ZEB1: variants seen among roughly 807,000 people sequenced by gnomAD.
The protein encoded by ZEB1 is zinc finger E-box binding homeobox 1.
In ZEB1, 21 loss-of-function variants were observed where a neutral mutation model predicts 84.9. The ratio of observed to expected loss-of-function variants is 0.25; its 90% CI spans 0.18 to 0.36. The LOEUF is 0.36. ZEB1 is among the 10% of genes least tolerant of loss of function. The pLI, the probability that ZEB1 is intolerant of heterozygous loss-of-function variation, is 1.00. For missense variants in ZEB1, 1,104 were observed against 1,330.2 expected, an observed-to-expected ratio of 0.83 and a Z score of 2.65; for synonymous variants, 420 against 471.1, an observed-to-expected ratio of 0.89 and a Z score of 1.41.
chr10:31,330,882 G>A (rs896958700), intron 1 of ZEB1, among the ~76,000 whole-genome samples: 14 of 151,072 alleles, frequency 9.3e-5, no homozygotes, highest in South Asian at 6.2e-4. Flanking sequence ...TTGAAAATTC[G>A]TTATAAGTAA....
chr10:31,489,822 C>T lies in ZEB1; in HGVS notation c.260-5954C>T, dbSNP rs186930990. On this transcript the variant is annotated intron_variant, in intron 2 of 8. Coordinates refer to ENST00000424869, the MANE Select transcript of ZEB1 (RefSeq NM_001174096.2). ...ATCATTTCTCTTCTTCTTTTATTCC[C>T]GACATTCCAAGTGTCCCTCATTTCA... 9.2e-3 allele frequency among the ~76,000 whole-genome samples: 1,397 copies of T among 151,154 alleles called. 12 individuals carry two copies. Among genetic ancestry groups the T allele is most frequent in the African/African-American group, 0.031 (1,302 of 41,388 alleles).
At chr10:31,320,324 C>T (rs2033577863) in intron 1 of ZEB1, 2 of 152,202 alleles carry the variant, frequency 1.3e-5, no homozygotes, top group African/African-American at 4.8e-5. Flanking sequence ...AGATCCCCCT[C>T]CCGGGGCAGA....
At chr10:31,470,334 A>G (rs1461939576) in intron 2 of ZEB1, among the ~76,000 whole-genome samples, 3 of 145,476 alleles carry the variant, frequency 2.1e-5, no homozygotes, top group Non-Finnish European at 4.5e-5. Context: ...AGAAGAATGT[A>G]TAACTAGAAT....
At position 31,415,362 on chromosome 10, in the gene ZEB1, C is replaced by T. The variant is rs113859355; in HGVS notation, c.59-45675C>T. ...TTACTACTACTACTTCTACTAATCA[C>T]GAGTATAGAAAAATATCTCTTTGAT... is the stretch of plus-strand genomic sequence containing the variant. On this transcript the variant is annotated intron_variant, in intron 1 of 8. Transcript: ENST00000424869. Among the ~76,000 whole-genome samples the T allele has an allele frequency of 2.0e-3, 307 of 152,022 alleles. 6 individuals carry two copies. Among genetic ancestry groups the T allele is most frequent in the African/African-American group, 7.1e-3 (295 of 41,492 alleles).
intron 2 of ZEB1, among the ~76,000 whole-genome samples, chr10:31,493,984 G>C (rs1377258095): frequency 6.6e-6 from 1 of 151,882 alleles, no homozygotes; most frequent in Non-Finnish European, 1.5e-5. Flanking sequence ...AAAATTAGCA[G>C]TGTCCAAAAA....
intron 1 of ZEB1, among the ~76,000 whole-genome samples, chr10:31,439,277 A>G (rs2058632608): frequency 6.6e-6 from 1 of 152,184 alleles, no homozygotes; most frequent in Non-Finnish European, 1.5e-5. Context: ...TTTTGTAATT[A>G]AAAACAAGTT....
At chr10:31,429,435 AAC>A (rs2057393265) in intron 1 of ZEB1, among the ~76,000 whole-genome samples, 1 of 152,114 alleles carries the variant, frequency 6.6e-6, no homozygotes, top group South Asian at 2.1e-4. Context: ...TTAGCAAACT[AAC>A]ACAGGCATAC....
intron 1 of ZEB1, among the ~76,000 whole-genome samples, chr10:31,423,139 G>C (rs367872787): frequency 6.6e-6 from 1 of 151,994 alleles, no homozygotes; most frequent in African/African-American, 2.4e-5. Context: ...TGGCATAGGA[G>C]TGTAAAATTA....
intron 2 of ZEB1, among the ~76,000 whole-genome samples, chr10:31,492,297 A>G (rs1183873837): frequency 6.6e-6 from 1 of 151,892 alleles, no homozygotes; most frequent in Non-Finnish European, 1.5e-5. Flanking sequence ...CATTTTCAAT[A>G]TAGTGTTCAA....
At chr10:31,509,130 T>A (rs2069505524) in intron 4 of ZEB1, among the ~76,000 whole-genome samples, 1 of 152,042 alleles carries the variant, frequency 6.6e-6, no homozygotes, top group Non-Finnish European at 1.5e-5. Context: ...CTCAACAGGA[T>A]GTAGTCTGTT....
In ZEB1 at chr10:31,520,687, A is replaced by C. The variant is rs1257244462; in HGVS notation, c.1355A>C (p.Gln452Pro). The change falls in exon 7 of 9, where the codon CAA becomes CCA. Residue 452 changes from glutamine (Q) to proline (P), a missense_variant. This residue lies in a region of ZEB1 where 531 missense variants were observed against 575.2 expected (regional missense o/e 0.92). Coordinates refer to ENST00000424869, the MANE Select transcript of ZEB1 (RefSeq NM_001174096.2). This position sits in a 1 kb window ranked among gnomAD's most constrained non-coding sequence, Gnocchi z 5.1. The stretch of plus-strand genomic sequence containing the variant: ...ACAATCAATGCTTCACCCATACAAC[A>C]AGGTGGCCATTCTGTTATTTCAGCC... ...QETINASPIQ[Q>P]GGHSVISAIS... 1.2e-6 allele frequency: 2 copies of C among 1,613,984 alleles called. No individual in the cohort carries two copies. Among genetic ancestry groups the C allele is most frequent in the African/African-American group, 2.7e-5 (2 of 74,940 alleles).
chr10:31,514,798 A>G (rs2070770928), intron 6 of ZEB1, 90 bp downstream of exon 6: 2 of 1,063,424 alleles, frequency 1.9e-6, no homozygotes, highest in Non-Finnish European at 2.8e-6. Context: ...GTACATGATC[A>G]GAAACTCCTT....
At chr10:31,426,908 C>T (rs1297158454) in intron 1 of ZEB1, among the ~76,000 whole-genome samples, 2 of 152,008 alleles carry the variant, frequency 1.3e-5, no homozygotes, top group Admixed American at 6.6e-5. Flanking sequence ...ATAACTGAAG[C>T]AGTAGATTTT....
intron 4 of ZEB1, among the ~76,000 whole-genome samples, chr10:31,508,370 A>G (rs1191381967): frequency 6.6e-6 from 1 of 152,078 alleles, no homozygotes; most frequent in Non-Finnish European, 1.5e-5. Context: ...CAATGGCAGT[A>G]GCAGTGGCAG....
At chr10:31,363,481 G>A in intron 1 of ZEB1, 1 of 1,531,992 alleles carries the variant, frequency 6.5e-7, no homozygotes, top group Non-Finnish European at 8.7e-7. Flanking sequence ...AGTCTCCAGG[G>A]GCCTAGAGGT....
At chr10:31,411,881 CTG>C (rs934835138) in intron 1 of ZEB1, among the ~76,000 whole-genome samples, 1 of 152,030 alleles carries the variant, frequency 6.6e-6, no homozygotes, top group African/African-American at 2.4e-5. Flanking sequence ...TGTGGAATAA[CTG>C]GGGTTGGGGA....
chr10:31,353,304 C>G (rs975401524), intron 1 of ZEB1, among the ~76,000 whole-genome samples: 1 of 152,224 alleles, frequency 6.6e-6, no homozygotes, highest in Non-Finnish European at 1.5e-5. Flanking sequence ...CATCTAAAGT[C>G]TTTGTCTTAC....
At chr10:31,402,032 C>G (rs532663663) in intron 1 of ZEB1, among the ~76,000 whole-genome samples, 2 of 151,634 alleles carry the variant, frequency 1.3e-5, no homozygotes, top group South Asian at 4.2e-4. Context: ...CTAGGTAGAG[C>G]AGTACCTTGA....
At chr10:31,448,725 A>G (rs1358857246) in intron 1 of ZEB1, among the ~76,000 whole-genome samples, 7 of 152,080 alleles carry the variant, frequency 4.6e-5, no homozygotes, top group African/African-American at 1.5e-4. Flanking sequence ...TAGGCTGCTA[A>G]GGGGTCAGGG....
Sources: allele counts gnomAD v4.1 joint callset (sites outside exome capture counted in the v4.1 genomes callset), GRCh38; gene constraint gnomAD v4.1.1; regional missense constraint gnomAD v4.1.1; non-coding constraint Gnocchi (gnomAD v3.1); transcripts MANE v1.5; gene names NCBI Gene and HGNC (gene_info 2026-07-23, HGNC 2026-07-21).